The following PRKN variants were observed in gnomAD, a reference collection of about 807,000 sequenced individuals.
PRKN encodes the protein parkin RBR E3 ubiquitin protein ligase, also known as E3 ubiquitin-protein ligase parkin.
A neutral mutation model predicts 59.5 loss-of-function variants in PRKN; 56 were observed. That is an observed-to-expected ratio of 0.94 (90% CI 0.76 to 1.18). The LOEUF (loss-of-function observed/expected upper bound fraction) is 1.18, where lower values mean the gene tolerates loss of function less well. PRKN is among the 50% of genes most tolerant of loss of function. The pLI is 0.00. For synonymous variants in PRKN, 250 were observed against 222.1 expected (o/e 1.13, Z -1.12); for missense variants, 657 against 596.4 (o/e 1.10, Z -1.06).
At chr6:161,412,694 TACTA>T (rs980141221) in intron 9 of PRKN, among the ~76,000 whole-genome samples, 1 of 137,770 alleles carries the variant, frequency 7.3e-6, no homozygotes, top group African/African-American at 2.8e-5. Context: ...CTCATTCCTT[TACTA>T]ACTCATTCCT....
At chr6:162,219,838 T>A (rs906374778) in intron 3 of PRKN, among the ~76,000 whole-genome samples, 4 of 152,146 alleles carry the variant, frequency 2.6e-5, no homozygotes, top group Admixed American at 6.5e-5. Flanking sequence ...GTAAATAAAA[T>A]AAAATACCCT....
At chr6:162,594,582 C>T (rs1353025717) in intron 1 of PRKN, among the ~76,000 whole-genome samples, 5 of 152,106 alleles carry the variant, frequency 3.3e-5, no homozygotes, top group Admixed American at 3.3e-4. Context: ...ATATGTATGA[C>T]TTGCATGGTA....
chr6:162,129,808 T>C (rs1176071549), intron 4 of PRKN, among the ~76,000 whole-genome samples: 1 of 152,124 alleles, frequency 6.6e-6, no homozygotes, highest in East Asian at 1.9e-4. Context: ...AATTATAGAG[T>C]AAATATATAC....
chr6:162,617,898 T>A (rs7454819), intron 1 of PRKN, among the ~76,000 whole-genome samples: 1 of 151,938 alleles, frequency 6.6e-6, no homozygotes, highest in African/African-American at 2.4e-5. Flanking sequence ...GGGGTTTCAA[T>A]GTATTAGTGC....
intron 2 of PRKN, among the ~76,000 whole-genome samples, chr6:162,281,417 A>T (rs9355393): frequency 0.08 from 11,009 of 137,456 alleles, 1,096 homozygotes; most frequent in East Asian, 0.54. Context: ...AAGTAAAATT[A>T]AAAAAAAAAT....
Position 162,056,473 on chromosome 6 carries a change from C to T in PRKN, c.535-2299G>A, listed in dbSNP as rs1004833848. 7.9e-5 allele frequency among the ~76,000 whole-genome samples: 12 copies of T among 152,170 alleles called. No homozygotes were observed. The highest frequency in any genetic ancestry group is 1.5e-4 in the Non-Finnish European group (10 of 68,028). ...ACCTGAAAGAGACTGAGCCTTTTGA[C>T]GGAGGCTCTTTACCCCAGACTTCAA... On this transcript the variant is annotated intron_variant, in intron 4 of 11. Transcript: ENST00000366898. The surrounding 1 kb of genome is among the most constrained non-coding windows in gnomAD (Gnocchi z 4.9).
chr6:161,841,893 C>G (rs538407120), intron 6 of PRKN, among the ~76,000 whole-genome samples: 2 of 152,292 alleles, frequency 1.3e-5, no homozygotes, highest in East Asian at 3.9e-4. Context: ...TCATCCTGCT[C>G]TTGGACTACA....
intron 1 of PRKN, among the ~76,000 whole-genome samples, chr6:162,563,054 G>A (rs955117526): frequency 3.9e-5 from 6 of 152,210 alleles, no homozygotes; most frequent in Admixed American, 2.0e-4. Flanking sequence ...TGTAATCCCA[G>A]CACTCTGGGA....
intron 2 of PRKN, among the ~76,000 whole-genome samples, chr6:162,416,992 C>A (rs6911768): frequency 0.56 from 84,591 of 151,986 alleles, 24,628 homozygotes; most frequent in African/African-American, 0.72. Context: ...AAATCTATAG[C>A]TCTTCTGCTC....
Position 161,560,828 on chromosome 6 carries a change from G to A in PRKN, c.933+8527C>T, listed in dbSNP as rs956455270. Among the ~76,000 whole-genome samples, 2 of 152,108 alleles carry A rather than the reference G, an allele frequency of 1.3e-5. No individual in the cohort carries two copies. Among genetic ancestry groups the A allele is most frequent in the Non-Finnish European group, 2.9e-5 (2 of 68,032 alleles). ...GGCCCCATATTTCCTCTCCAGCCATGGGCCTCTCCAGGCCCACCTTCCTTC... is the reference window on the plus strand; with the variant it reads ...GGCCCCATATTTCCTCTCCAGCCATAGGCCTCTCCAGGCCCACCTTCCTTC... On this transcript the variant is annotated intron_variant, in intron 8 of 11. Transcript: ENST00000366898. The surrounding 1 kb of genome is among the most constrained non-coding windows in gnomAD (Gnocchi z 4.9).
intron 1 of PRKN, among the ~76,000 whole-genome samples, chr6:162,548,491 A>G (rs557637813): frequency 6.6e-6 from 1 of 152,106 alleles, no homozygotes; most frequent in East Asian, 1.9e-4. Flanking sequence ...CAGGAACAGG[A>G]ATTCTCCTAA....
intron 1 of PRKN, among the ~76,000 whole-genome samples, chr6:162,721,233 T>C (rs1778931619): frequency 6.6e-6 from 1 of 152,226 alleles, no homozygotes; most frequent in South Asian, 2.1e-4. Flanking sequence ...ACTAGTGATT[T>C]CAAGTATTCT....
chr6:162,488,878 AT>A (rs1792675792), intron 1 of PRKN, among the ~76,000 whole-genome samples: 2 of 152,152 alleles, frequency 1.3e-5, no homozygotes, highest in African/African-American at 4.8e-5. Context: ...AAAGACAAAT[AT>A]TTAATAATCA....
At chr6:161,792,475 T>C (rs955160998) in intron 6 of PRKN, among the ~76,000 whole-genome samples, 2 of 152,170 alleles carry the variant, frequency 1.3e-5, no homozygotes, top group East Asian at 1.9e-4. Flanking sequence ...GGTTTCTTCA[T>C]TCTCCCCAGT....
chr6:162,000,287 T>A (rs541392572), intron 5 of PRKN, among the ~76,000 whole-genome samples: 1 of 152,250 alleles, frequency 6.6e-6, no homozygotes, highest in East Asian at 1.9e-4. Flanking sequence ...TTTTCTTGAT[T>A]CCCATACTCC....
At chr6:161,690,699 C>T (rs1468544383) in intron 7 of PRKN, among the ~76,000 whole-genome samples, 1 of 152,138 alleles carries the variant, frequency 6.6e-6, no homozygotes, top group Non-Finnish European at 1.5e-5. Flanking sequence ...TCTGAATTTT[C>T]CCTCCGCCTG....
At chr6:161,909,446 A>C (rs923557553) in intron 6 of PRKN, among the ~76,000 whole-genome samples, 1 of 152,210 alleles carries the variant, frequency 6.6e-6, no homozygotes, top group Non-Finnish European at 1.5e-5. Context: ...TTGATTAAAA[A>C]AAAAGAATCT....
intron 1 of PRKN, among the ~76,000 whole-genome samples, chr6:162,711,610 G>C (rs557435741): frequency 1.5e-4 from 23 of 152,130 alleles, no homozygotes; most frequent in Non-Finnish European, 3.2e-4. Context: ...CCAAGCAGCC[G>C]TAGCTAATGC....
rs532508686 is a variant in PRKN, at chr6:162,046,550, C to T, written c.618+7541G>A. ...GCAGTGTGAACACTGTTATTTCACACGTGCAGATTCTCTGCTACAGCCGCA... is the reference window on the plus strand; with the variant it reads ...GCAGTGTGAACACTGTTATTTCACATGTGCAGATTCTCTGCTACAGCCGCA... On this transcript the variant is annotated intron_variant, in intron 5 of 11. Transcript: ENST00000366898. Among the ~76,000 whole-genome samples the T allele has an allele frequency of 1.2e-3, 177 of 152,342 alleles. 2 individuals carry two copies. Among genetic ancestry groups the T allele is most frequent in the African/African-American group, 3.0e-3 (124 of 41,570 alleles).
Sources: gnomAD v4.1 joint callset for allele counts (sites outside exome capture counted in the v4.1 genomes callset) on GRCh38, gnomAD v4.1.1 for gene constraint, Gnocchi (gnomAD v3.1) non-coding constraint, MANE v1.5 for transcripts, NCBI Gene and HGNC (gene_info 2026-07-23, HGNC 2026-07-21) for gene names.